The following CTNNA2 variants were observed in gnomAD, a reference collection of about 807,000 sequenced individuals.
CTNNA2 encodes the protein catenin alpha-2.
CTNNA2 carries 42 observed loss-of-function variants against 101.0 expected under a neutral mutation model. The ratio of observed to expected loss-of-function variants is 0.42; its 90% CI spans 0.32 to 0.54. CTNNA2 has a LOEUF of 0.54. Ranked by LOEUF, CTNNA2 falls within the 20% of genes least tolerant of loss-of-function variation. The pLI is 0.14. For synonymous variants in CTNNA2, 450 were observed against 456.4 expected, an observed-to-expected ratio of 0.99 and a Z score of 0.18; for missense variants, 871 against 1,223.1, an observed-to-expected ratio of 0.71 and a Z score of 4.29.
rs191795310 is a variant in CTNNA2 at position 80,214,308 on chromosome 2, C to T, written c.1057-178903C>T. Among the ~76,000 whole-genome samples the T allele has an allele frequency of 4.3e-4, 65 of 152,222 alleles. No homozygotes were observed. In the East Asian group the frequency reaches 7.2e-3, roughly 17 times the overall value. ...AGGTGATGCAGTTTCTTCCTAGCATCGATGGTCCTTACAATTTGGCATGTT... is the reference window on the plus strand; with the variant it reads ...AGGTGATGCAGTTTCTTCCTAGCATTGATGGTCCTTACAATTTGGCATGTT... On this transcript the variant is annotated intron_variant, in intron 7 of 18. Coordinates refer to ENST00000402739, the MANE Select transcript of CTNNA2 (RefSeq NM_001282597.3).
intron 4 of CTNNA2, among the ~76,000 whole-genome samples, chr2:79,474,479 G>T (rs1246964187): frequency 2.0e-5 from 3 of 152,162 alleles, no homozygotes; most frequent in Non-Finnish European, 4.4e-5. Flanking sequence ...ATCTGTGCTT[G>T]CTAGGAGTTA....
In CTNNA2 at chr2:79,896,900, G is replaced by A. The variant is rs1684750658; in HGVS notation, c.853-12694G>A. Among the ~76,000 whole-genome samples, 4 of 152,186 alleles carry A rather than the reference G, an allele frequency of 2.6e-5. No individual in the cohort carries two copies. The South Asian group carries it at 8.3e-4, about 31-fold the overall frequency. ...AACACGGTTACACATGAAGCATACT[G>A]GGGTGGGGCAATGCAGAGACCACTT... On this transcript the variant is annotated intron_variant, in intron 6 of 18. Coordinates refer to ENST00000402739, the MANE Select transcript of CTNNA2 (RefSeq NM_001282597.3).
At chr2:79,946,223 C>A (rs1688483440) in intron 7 of CTNNA2, among the ~76,000 whole-genome samples, 1 of 152,038 alleles carries the variant, frequency 6.6e-6, no homozygotes, top group Admixed American at 6.6e-5. Flanking sequence ...AAAATGGGAA[C>A]TAGAGCCATG....
chr2:79,862,865 A>T (rs922016733), intron 4 of CTNNA2, among the ~76,000 whole-genome samples: 3 of 152,174 alleles, frequency 2.0e-5, no homozygotes, highest in Admixed American at 6.5e-5. Flanking sequence ...ATAACAGAAA[A>T]CCTAATTCTA....
At chr2:80,272,435 ATCTT>A (rs1020262117) in intron 7 of CTNNA2, among the ~76,000 whole-genome samples, 1 of 152,216 alleles carries the variant, frequency 6.6e-6, no homozygotes. Context: ...TTTTATTTAA[ATCTT>A]TCTATGTTTA....
intron 1 of CTNNA2, among the ~76,000 whole-genome samples, chr2:79,639,379 C>G (rs1345920691): frequency 6.6e-6 from 1 of 152,140 alleles, no homozygotes; most frequent in Non-Finnish European, 1.5e-5. Flanking sequence ...AAGGAAGAGA[C>G]AGAAAACTTT....
At chr2:80,070,717 C>CAAAA (rs70940074) in intron 7 of CTNNA2, among the ~76,000 whole-genome samples, 1 of 140,452 alleles carries the variant, frequency 7.1e-6, no homozygotes, top group East Asian at 2.2e-4. Flanking sequence ...GACCCTGTCT[C>CAAAA]AAAAAAAAAA....
intron 9 of CTNNA2, among the ~76,000 whole-genome samples, chr2:80,503,478 T>A (rs1688035195): frequency 6.6e-6 from 1 of 152,174 alleles, no homozygotes. Flanking sequence ...ATATACCAAC[T>A]GGACCTAATT....
At chr2:79,486,210 G>T (rs982069226) in intron 4 of CTNNA2, among the ~76,000 whole-genome samples, 2 of 150,926 alleles carry the variant, frequency 1.3e-5, no homozygotes, top group Non-Finnish European at 2.9e-5. Context: ...ATCTCCTAAT[G>T]CTATCCCTCC....
intron 9 of CTNNA2, among the ~76,000 whole-genome samples, chr2:80,423,559 C>A (rs1680721155): frequency 6.6e-6 from 1 of 151,994 alleles, no homozygotes; most frequent in Non-Finnish European, 1.5e-5. Flanking sequence ...TCAAAGAACT[C>A]CAATGTTTGG....
chr2:80,104,292 C>G (rs777772519), intron 7 of CTNNA2, among the ~76,000 whole-genome samples: 1 of 152,202 alleles, frequency 6.6e-6, no homozygotes, highest in Non-Finnish European at 1.5e-5. Context: ...TCTCCTATCC[C>G]TCTATCTTTC....
intron 6 of CTNNA2, among the ~76,000 whole-genome samples, chr2:79,880,188 A>G (rs1683319871): frequency 6.6e-6 from 1 of 152,032 alleles, no homozygotes; most frequent in Admixed American, 6.6e-5. Context: ...ATGGAGGGTA[A>G]GTTTTTTATG....
At chr2:80,059,362 G>T (rs987848424) in intron 7 of CTNNA2, among the ~76,000 whole-genome samples, 4 of 152,206 alleles carry the variant, frequency 2.6e-5, no homozygotes, top group Admixed American at 2.0e-4. Context: ...GATACTTGTA[G>T]CCCAATAGAG....
intron 7 of CTNNA2, among the ~76,000 whole-genome samples, chr2:79,960,533 G>A (rs1251454319): frequency 6.6e-6 from 1 of 152,194 alleles, no homozygotes; most frequent in African/African-American, 2.4e-5. Context: ...CTTCTTGATA[G>A]TTTTTATGAA....
chr2:79,381,225 A>C (rs1678035557), intron 4 of CTNNA2, among the ~76,000 whole-genome samples: 1 of 152,112 alleles, frequency 6.6e-6, no homozygotes, highest in African/African-American at 2.4e-5. Flanking sequence ...ATGGTCACCC[A>C]CTCAGCTTCC....
intron 3 of CTNNA2, among the ~76,000 whole-genome samples, chr2:79,805,224 A>G (rs1380946062): frequency 2.0e-5 from 3 of 152,174 alleles, no homozygotes; most frequent in Non-Finnish European, 2.9e-5. Flanking sequence ...AATGCTTAGG[A>G]CCAGAAATGT....
intron 13 of CTNNA2, among the ~76,000 whole-genome samples, chr2:80,577,654 C>A (rs907996731): frequency 1.5e-5 from 2 of 129,786 alleles, no homozygotes; most frequent in Non-Finnish European, 3.2e-5. Flanking sequence ...ACTTGCTGGT[C>A]GCCAATCACT....
At chr2:79,613,070 C>T (rs1678386807) in intron 1 of CTNNA2, among the ~76,000 whole-genome samples, 1 of 151,546 alleles carries the variant, frequency 6.6e-6, no homozygotes, top group African/African-American at 2.4e-5. Context: ...CAAATACTTT[C>T]AGTAAGCAAT....
chr2:79,800,376 A>G (rs1000671383), intron 3 of CTNNA2, among the ~76,000 whole-genome samples: 3 of 152,144 alleles, frequency 2.0e-5, no homozygotes, highest in Non-Finnish European at 4.4e-5. Context: ...ATTCCCACCT[A>G]GATTCAATTC....
Sources: allele counts gnomAD v4.1 joint callset (sites outside exome capture counted in the v4.1 genomes callset), GRCh38; gene constraint gnomAD v4.1.1; transcripts MANE v1.5; gene names NCBI Gene and HGNC (gene_info 2026-07-23, HGNC 2026-07-21).